SUPT20H: variants seen among roughly 807,000 people sequenced by gnomAD.
The protein encoded by SUPT20H is SPT20 homolog, SAGA complex component, also known as transcription factor SPT20 homolog.
Under a neutral mutation model 122.8 loss-of-function variants are expected in SUPT20H, and 82 were observed. The ratio of observed to expected loss-of-function variants is 0.67; its 90% CI spans 0.56 to 0.80. SUPT20H has a LOEUF of 0.80. SUPT20H is among the 30% of genes least tolerant of loss of function. SUPT20H has a pLI of 0.00. For synonymous variants in SUPT20H, 291 were observed against 313.0 expected (o/e 0.93, Z 0.74); for missense variants, 831 against 921.6 (o/e 0.90, Z 1.27).
chr13:37,029,458 A>G (rs373912575), intron 13 of SUPT20H, among the ~76,000 whole-genome samples: 1 of 152,070 alleles, frequency 6.6e-6, no homozygotes, highest in South Asian at 2.1e-4. Flanking sequence ...GGACCTGGGA[A>G]GTGGAAGAGG....
In SUPT20H at chr13:37,040,699, G is replaced by A. The variant is rs2065307791; in HGVS notation, c.397-7C>T. On this transcript the variant is annotated splice_polypyrimidine_tract_variant and splice_region_variant and intron_variant, in intron 7 of 25. Coordinates refer to ENST00000350612, the MANE Select transcript of SUPT20H (RefSeq NM_001014286.3). ...CGCAATGAAAAATATTAACCTGTTT[G>A]GGCAAAAATACGTAAACGTCATTTT... 3.1e-6 allele frequency: 5 copies of A among 1,606,096 alleles called. No homozygotes were observed. In the East Asian group the frequency reaches 1.1e-4, roughly 36 times the overall value.
intron 16 of SUPT20H, chr13:37,025,867 GA>G (rs2062166561): frequency 4.4e-6 from 1 of 226,686 alleles, no homozygotes; most frequent in East Asian, 9.5e-5. Context: ...TTAATTCTAT[GA>G]AAAAAAACCT....
chr13:37,012,236 A>G lies in SUPT20H; in HGVS notation c.2054T>C (p.Ile685Thr), dbSNP rs776730589. The change falls in exon 24 of 26, where the codon ATT (isoleucine) becomes ACT (threonine). Residue 685 changes from isoleucine to threonine, a missense_variant. By Grantham distance (89) the Ile-to-Thr change is moderately conservative. Transcript: ENST00000350612. ...QALSAQQAAV[I>T]NLTGVGSFMQ... ...AAAACTTCCTACTCCAGTAAGGTTAATAACAGCAGCTTGCTGAGCAGATAA... is the reference window on the plus strand; with the variant it reads ...AAAACTTCCTACTCCAGTAAGGTTAGTAACAGCAGCTTGCTGAGCAGATAA... 4.3e-6 allele frequency: 7 copies of G among 1,613,374 alleles called. No homozygotes were observed. The highest frequency in any genetic ancestry group is 2.2e-5 in the East Asian group (1 of 44,832).
In SUPT20H at chr13:37,036,723, T is replaced by C. The variant is rs567948587; in HGVS notation, c.568-3135A>G. On this transcript the variant is annotated intron_variant, in intron 9 of 25. Transcript: ENST00000350612. ...CACCCCTGAGACAGCAAGATGAACT[T>C]TTCCTCTTCCTCCTCCTTGGCCTAC... is the stretch of plus-strand genomic sequence containing the variant. Among the ~76,000 whole-genome samples, 3 of 152,160 alleles carry C rather than the reference T, an allele frequency of 2.0e-5. No homozygotes were observed. The South Asian group carries it at 6.2e-4, about 32-fold the overall frequency.
chr13:37,024,608 T>C (rs1028500686), intron 17 of SUPT20H, 166 bp from the exon 18 acceptor site: 11 of 414,192 alleles, frequency 2.7e-5, no homozygotes, highest in Non-Finnish European at 4.1e-5. Flanking sequence ...TTGAATACTA[T>C]ATGTATTACA....
Position 37,051,517 on chromosome 13 carries a change from A to C in SUPT20H, c.-27T>G. ...ATGGCATAAAATAAGGGTCCAAAAG[A>C]AGAGATAACTTATGTACGCTGATGA... On this transcript the variant is annotated 5_prime_UTR_variant, in exon 2 of 26. Coordinates refer to ENST00000350612, the MANE Select transcript of SUPT20H (RefSeq NM_001014286.3). 1 of 1,611,454 alleles carries C rather than the reference A, an allele frequency of 6.2e-7. No homozygotes were observed. Among genetic ancestry groups the C allele is most frequent in the Non-Finnish European group, 8.5e-7 (1 of 1,178,144 alleles).
chr13:37,041,679 T>C (rs754018109), intron 7 of SUPT20H, among the ~76,000 whole-genome samples: 2 of 152,220 alleles, frequency 1.3e-5, no homozygotes, highest in African/African-American at 2.4e-5. Context: ...CCATGTTTTG[T>C]CATTCTTATT....
intron 1 of SUPT20H, among the ~76,000 whole-genome samples, chr13:37,053,691 T>TAA (rs113112502): frequency 7.1e-6 from 1 of 140,470 alleles, no homozygotes; most frequent in African/African-American, 2.5e-5. Context: ...AAACTAAAAT[T>TAA]AAAAAAAAAA....
chr13:37,055,431 G>C (rs1436440852), intron 1 of SUPT20H, among the ~76,000 whole-genome samples: 1 of 152,072 alleles, frequency 6.6e-6, no homozygotes, highest in Non-Finnish European at 1.5e-5. Context: ...ATAGACCAAT[G>C]GAACAGAACA....
intron 9 of SUPT20H, among the ~76,000 whole-genome samples, chr13:37,034,992 AG>A (rs1298442956): frequency 1.3e-5 from 2 of 152,226 alleles, no homozygotes; most frequent in African/African-American, 2.4e-5. Context: ...CCTACTGCTC[AG>A]AAAAAAAAGA....
chr13:37,016,796 C>T (rs1017519955), intron 23 of SUPT20H, among the ~76,000 whole-genome samples: 1 of 152,156 alleles, frequency 6.6e-6, no homozygotes, highest in Admixed American at 6.5e-5. Context: ...TATTGCAATT[C>T]TTATTCAATT....
intron 1 of SUPT20H, among the ~76,000 whole-genome samples, chr13:37,057,993 A>G (rs2069575614): frequency 6.7e-6 from 1 of 149,500 alleles, no homozygotes; most frequent in Non-Finnish European, 1.5e-5. Flanking sequence ...AAAAAAAAAA[A>G]GTTGGCTGGG....
intron 23 of SUPT20H, among the ~76,000 whole-genome samples, chr13:37,015,822 T>C (rs1401136720): frequency 6.6e-6 from 1 of 152,176 alleles, no homozygotes; most frequent in Non-Finnish European, 1.5e-5. Flanking sequence ...ATATGGTATA[T>C]ACAAGTATTA....
intron 9 of SUPT20H, among the ~76,000 whole-genome samples, chr13:37,036,635 A>T (rs1434885109): frequency 1.3e-5 from 2 of 151,954 alleles, no homozygotes; most frequent in African/African-American, 4.8e-5. Context: ...ATTTTTTTCA[A>T]TACAAGTTAC....
intron 1 of SUPT20H, among the ~76,000 whole-genome samples, chr13:37,052,997 G>A (rs942713186): frequency 6.6e-6 from 1 of 152,136 alleles, no homozygotes; most frequent in Non-Finnish European, 1.5e-5. Flanking sequence ...AGTTAGAATG[G>A]CAGTCATTAA....
At chr13:37,034,359 T>C (rs7989745) in intron 9 of SUPT20H, among the ~76,000 whole-genome samples, 63,666 of 152,056 alleles carry the variant, frequency 0.42, 14,460 homozygotes, top group Non-Finnish European at 0.51. Context: ...CCATAACAGA[T>C]AAAAATGCAA....
chr13:37,013,542 A>AG (rs1176291922), intron 23 of SUPT20H: 2 of 152,066 alleles, frequency 1.3e-5, no homozygotes, highest in Non-Finnish European at 2.9e-5. Flanking sequence ...TAGAAAAAAA[A>AG]CACAGGAGAA....
chr13:37,041,087 T>TAA (rs2065381945), intron 7 of SUPT20H, among the ~76,000 whole-genome samples: 2 of 152,232 alleles, frequency 1.3e-5, no homozygotes, highest in Admixed American at 1.3e-4. Context: ...ATCATTGTTA[T>TAA]AAATTGCCAA....
At chr13:37,031,987 A>T (rs1358081559) in intron 10 of SUPT20H, 92 bp from the exon 11 acceptor site, 1 of 1,180,514 alleles carries the variant, frequency 8.5e-7, no homozygotes, top group African/African-American at 1.6e-5. Context: ...AATATGTACA[A>T]ATCGTGTTTA....
Sources: gnomAD v4.1 joint callset for allele counts (sites outside exome capture counted in the v4.1 genomes callset) on GRCh38, gnomAD v4.1.1 for gene constraint, MANE v1.5 for transcripts, NCBI Gene and HGNC (gene_info 2026-07-23, HGNC 2026-07-21) for gene names.